Variants in PHRF1 observed in about 807,000 individuals in gnomAD.
PHRF1 encodes the protein PHD and ring finger domains 1.
Under a neutral mutation model 128.9 loss-of-function variants are expected in PHRF1, and 53 were observed. The ratio of observed to expected loss-of-function variants is 0.41; its 90% CI spans 0.33 to 0.52. The LOEUF is 0.52. Ranked by LOEUF, PHRF1 falls within the 20% of genes least tolerant of loss-of-function variation. PHRF1 has a pLI of 0.21. For synonymous variants in PHRF1, 1,178 were observed against 980.6 expected, an observed-to-expected ratio of 1.20 and a Z score of -3.76; for missense variants, 2,503 against 2,284.5, an observed-to-expected ratio of 1.10 and a Z score of -1.95.
Position 610,768 on chromosome 11 carries a change from C to T in PHRF1, c.4677+7C>T, listed in dbSNP as rs1589910276. On this transcript the variant is annotated splice_region_variant and intron_variant, in intron 16 of 17. Coordinates refer to ENST00000264555, the MANE Select transcript of PHRF1 (RefSeq NM_001286581.2). ...GAAAACCAAGAAGGAGGAGGTGAGTCCTGCCTCCTCCCACTTTCCCCATGT... is the reference window on the plus strand; with the variant it reads ...GAAAACCAAGAAGGAGGAGGTGAGTTCTGCCTCCTCCCACTTTCCCCATGT... 3 of 1,598,392 alleles carry T rather than the reference C, an allele frequency of 1.9e-6. No homozygotes were observed. Among genetic ancestry groups the T allele is most frequent in the East Asian group, 2.2e-5 (1 of 44,788 alleles).
At chr11:600,150 A>G (rs899843333) in intron 9 of PHRF1, among the ~76,000 whole-genome samples, 4 of 151,854 alleles carry the variant, frequency 2.6e-5, no homozygotes, top group Non-Finnish European at 5.9e-5. Context: ...CCTGATGAGA[A>G]CTATGTAAGA....
intron 6 of PHRF1, among the ~76,000 whole-genome samples, chr11:594,170 C>T (rs1055208020): frequency 2.6e-4 from 39 of 152,214 alleles, no homozygotes; most frequent in African/African-American, 9.2e-4. Flanking sequence ...GACTGGTCCT[C>T]TTTTGTCCTC....
chr11:594,901 A>G (rs1035174397), intron 6 of PHRF1, among the ~76,000 whole-genome samples: 3 of 152,164 alleles, frequency 2.0e-5, no homozygotes, highest in African/African-American at 4.8e-5. Context: ...AGATAAAACA[A>G]CGCAAGTACA....
chr11:600,894 A>G (rs1855587818), intron 9 of PHRF1, among the ~76,000 whole-genome samples: 1 of 152,196 alleles, frequency 6.6e-6, no homozygotes, highest in Non-Finnish European at 1.5e-5. Flanking sequence ...TGAACCTGGG[A>G]GGCAGAGATT....
chr11:581,389 A>C, intron 1 of PHRF1, 103 bp from the exon 2 acceptor site: 1 of 898,322 alleles, frequency 1.1e-6, no homozygotes, highest in Middle Eastern at 2.2e-4. Flanking sequence ...GTGGCGGTGG[A>C]TGTGACACGG....
intron 5 of PHRF1, among the ~76,000 whole-genome samples, chr11:592,154 A>T (rs1379011177): frequency 2.0e-5 from 3 of 150,990 alleles, no homozygotes; most frequent in Non-Finnish European, 4.4e-5. Flanking sequence ...TGACCTCGTG[A>T]TCCACCCACC....
At position 607,056 on chromosome 11, in the gene PHRF1, T is replaced by C. The variant is rs892918001; in HGVS notation, c.1610-10T>C. The C allele has an allele frequency of 1.3e-6, 2 of 1,547,004 alleles. No homozygotes were observed. The highest frequency in any genetic ancestry group is 1.2e-5 in the South Asian group (1 of 84,090). ...GGGAAATGATTGCCATTGACTTTTT[T>C]GTTTTTTAGCTCCAGTTTCTTTTCA... On this transcript the variant is annotated splice_polypyrimidine_tract_variant and intron_variant, in intron 13 of 17. Coordinates refer to ENST00000264555, the MANE Select transcript of PHRF1 (RefSeq NM_001286581.2).
intron 1 of PHRF1, among the ~76,000 whole-genome samples, chr11:577,195 A>G (rs558768101): frequency 1.2e-4 from 19 of 152,132 alleles, no homozygotes; most frequent in South Asian, 6.2e-4. Flanking sequence ...AGGTGTAGGT[A>G]TTGTTCCCGT....
intron 4 of PHRF1, among the ~76,000 whole-genome samples, chr11:588,104 C>T (rs1443173253): frequency 1.3e-5 from 2 of 152,188 alleles, no homozygotes; most frequent in African/African-American, 4.8e-5. Context: ...GACTCCCTCC[C>T]CTCCCTGCGA....
At position 597,645 on chromosome 11, in the gene PHRF1, G is replaced by T; in HGVS notation, c.894+75G>T. On this transcript the variant is annotated intron_variant, in intron 8 of 17. Coordinates refer to ENST00000264555, the MANE Select transcript of PHRF1 (RefSeq NM_001286581.2). This position sits in a 1 kb window ranked among gnomAD's most constrained non-coding sequence, Gnocchi z 6.5. ...TGATCTCGGCAGTCTGGGTGGGTGG[G>T]AGGGGCGTCGTCGGCACTGTGGGGT... 4.2e-5 allele frequency: 57 copies of T among 1,356,502 alleles called. No individual in the cohort carries two copies. Among genetic ancestry groups the T allele is most frequent in the Non-Finnish European group, 5.3e-5 (52 of 988,100 alleles). The allele number at this position is 1,356,502 out of a possible 1,614,324, so 84.0% of individuals were successfully genotyped here.
In PHRF1 at chr11:608,518, C is replaced by T. The variant is rs779342071; in HGVS notation, c.3062C>T (p.Thr1021Met). The change falls in exon 14 of 18, where the codon ACG becomes ATG. Residue 1021 changes from threonine (T) to methionine (M), a missense_variant. By Grantham distance (81) the Thr-to-Met change is moderately conservative. Coordinates refer to ENST00000264555, the MANE Select transcript of PHRF1 (RefSeq NM_001286581.2). The stretch of plus-strand genomic sequence containing the variant: ...GAGCACGGACGGACGCGCTCTGGGA[C>T]GCGCTCTGAATCCAGGGACAGGAGC... Reference protein sequence around the residue: ...SREHGRTRSGTRSESRDRSSR... With the variant: ...SREHGRTRSGMRSESRDRSSR... The T allele has an allele frequency of 4.9e-5, 79 of 1,609,966 alleles. No individual in the cohort carries two copies. Among genetic ancestry groups the T allele is most frequent in the South Asian group, 3.3e-5 (3 of 90,926 alleles).
rs368580858 is a variant in PHRF1 at position 605,154 on chromosome 11, G to A, written c.1188G>A (p.Thr396=). ...EATTRSRIAR[T]LGLRRPVHSS... is the part of the protein sequence containing the mutation. ...CCACTCGCTCTCGAATCGCGCGGAC[G>A]CTGGGCCTGCGCAGGCCTGTTCACA... The change falls in exon 11 of 18, where the codon ACG becomes ACA. Residue 396 remains threonine (T), a synonymous_variant. Coordinates refer to ENST00000264555, the MANE Select transcript of PHRF1 (RefSeq NM_001286581.2). 6.2e-6 allele frequency: 10 copies of A among 1,612,672 alleles called. No homozygotes were observed. Among genetic ancestry groups the A allele is most frequent in the African/African-American group, 4.0e-5 (3 of 74,908 alleles).
At chr11:594,088 G>T (rs1447180969) in intron 6 of PHRF1, among the ~76,000 whole-genome samples, 5 of 152,126 alleles carry the variant, frequency 3.3e-5, no homozygotes, top group African/African-American at 1.2e-4. Flanking sequence ...CTTACACCGT[G>T]AATATATGCA....
At chr11:596,411 AG>A (rs1198547305) in intron 6 of PHRF1, among the ~76,000 whole-genome samples, 9 of 151,894 alleles carry the variant, frequency 5.9e-5, no homozygotes, top group Non-Finnish European at 4.4e-5. Flanking sequence ...AAAACCCGGG[AG>A]TGAGGGTGGG....
chr11:597,870 C>T lies in PHRF1; in HGVS notation c.894+300C>T, dbSNP rs1855392657. ...TTCCCCAGGCCCCATGCCAGCACCG[C>T]TCCCTCTAGGCACCTGTGAGCACCT... On this transcript the variant is annotated intron_variant, in intron 8 of 17. Coordinates refer to ENST00000264555, the MANE Select transcript of PHRF1 (RefSeq NM_001286581.2). The surrounding 1 kb of genome is among the most constrained non-coding windows in gnomAD (Gnocchi z 6.5). Among the ~76,000 whole-genome samples, 2 of 152,210 alleles carry T rather than the reference C, an allele frequency of 1.3e-5. No individual in the cohort carries two copies. Among genetic ancestry groups the T allele is most frequent in the Admixed American group, 1.3e-4 (2 of 15,286 alleles).
At position 609,117 on chromosome 11, in the gene PHRF1, C is replaced by T. The variant is rs762761131; in HGVS notation, c.3661C>T (p.Pro1221Ser). Residue 1221 changes from proline (P) to serine (S), a missense_variant, in exon 14 of 18, where the codon CCA (proline) becomes TCA (serine). Physicochemically the swap from Pro to Ser is moderately conservative, Grantham distance 74. Coordinates refer to ENST00000264555, the MANE Select transcript of PHRF1 (RefSeq NM_001286581.2). ...GCGGGAAGACCTCCCCACCAGGTTG[C>T]CAGCCTTGGGGGAAGCACATGTCTC... Reference protein sequence around the residue: ...PGREDLPTRLPALGEAHVSPE... With the variant: ...PGREDLPTRLSALGEAHVSPE... The T allele has an allele frequency of 1.2e-6, 2 of 1,605,362 alleles. No individual in the cohort carries two copies. The highest frequency in any genetic ancestry group is 3.3e-5 in the Admixed American group (2 of 59,866).
At chr11:580,391 G>A (rs750116409) in intron 1 of PHRF1, among the ~76,000 whole-genome samples, 16 of 152,214 alleles carry the variant, frequency 1.1e-4, no homozygotes, top group Admixed American at 4.6e-4. Context: ...AAGGGCAGGG[G>A]TCCCGGCTGA....
chr11:611,406 C>A (rs1022705624), intron 17 of PHRF1, among the ~76,000 whole-genome samples: 1 of 152,072 alleles, frequency 6.6e-6, no homozygotes, highest in Non-Finnish European at 1.5e-5. Context: ...AGCCCATGCT[C>A]CCCCCGCCCA....
At chr11:579,374 T>C (rs1277514383) in intron 1 of PHRF1, among the ~76,000 whole-genome samples, 1 of 152,204 alleles carries the variant, frequency 6.6e-6, no homozygotes, top group African/African-American at 2.4e-5. Context: ...GGGACTGCAT[T>C]CGCCTTGTGC....
Sources: gnomAD v4.1 joint callset for allele counts (sites outside exome capture counted in the v4.1 genomes callset) on GRCh38, gnomAD v4.1.1 for gene constraint, Gnocchi (gnomAD v3.1) non-coding constraint, MANE v1.5 for transcripts, NCBI Gene and HGNC (gene_info 2026-07-23, HGNC 2026-07-21) for gene names.